The following PCDHA6 variants were observed in gnomAD, a reference collection of about 807,000 sequenced individuals.
PCDHA6 encodes protocadherin alpha-6.
A neutral mutation model predicts 60.3 loss-of-function variants in PCDHA6; 55 were observed. The ratio of observed to expected loss-of-function variants is 0.91; its 90% CI spans 0.73 to 1.14. The LOEUF is 1.14. Ranked by LOEUF, PCDHA6 falls within the 50% of genes most tolerant of loss-of-function variation. PCDHA6 has a pLI of 0.00. For synonymous variants in PCDHA6, 652 were observed against 557.9 expected (o/e 1.17, Z -2.38); for missense variants, 1,327 against 1,256.5 (o/e 1.06, Z -0.85).
chr5:140,876,467 G>T, intron 1 of PCDHA6: 1 of 1,614,020 alleles, frequency 6.2e-7, no homozygotes, highest in Non-Finnish European at 8.5e-7. Flanking sequence ...TCCATGGCAG[G>T]TCACAGCATG....
intron 3 of PCDHA6, among the ~76,000 whole-genome samples, chr5:140,989,698 A>G (rs145222021): frequency 6.6e-6 from 1 of 152,344 alleles, no homozygotes; most frequent in African/African-American, 2.4e-5. Flanking sequence ...TGAAAATTTT[A>G]TCTTCAGAGG....
In PCDHA6 at chr5:140,848,069, G is replaced by A. The variant is rs116084528; in HGVS notation, c.2394+17584G>A. 759 of 162,530 alleles carry A rather than the reference G, an allele frequency of 4.7e-3. 42 individuals are homozygous for A. The highest frequency in any genetic ancestry group is 0.017 in the African/African-American group (710 of 41,160). 10.1% of individuals were successfully genotyped at this position (162,530 alleles called of 1,614,324 possible). A position where few individuals can be genotyped will look rare whatever the true frequency, so the allele number is the denominator to read the frequency against. ...TTTTAATTGTTACTTCATTTCTGTC[G>A]TTATTTAAAACTTAAGTGGAGAGTT... On this transcript the variant is annotated intron_variant, in intron 1 of 3. Transcript: ENST00000529310.
rs1460408085 is a variant in PCDHA6, at chr5:140,900,316, C to T, written c.2394+69831C>T. On this transcript the variant is annotated intron_variant, in intron 1 of 3. Coordinates refer to ENST00000529310, the MANE Select transcript of PCDHA6 (RefSeq NM_018909.4). ...TTTTTTTAGACAGTCTCACTTTTGT[C>T]GCCCAGGCTGGAGTACCGTGGCGCA... Among the ~76,000 whole-genome samples the T allele has an allele frequency of 1.2e-4, 18 of 152,172 alleles. No individual in the cohort carries two copies. The East Asian group carries it at 2.7e-3, about 23-fold the overall frequency.
chr5:140,966,351 T>C (rs2095993357), intron 1 of PCDHA6: 1 of 397,668 alleles, frequency 2.5e-6, no homozygotes, highest in South Asian at 1.4e-4. Flanking sequence ...GTGAAGGAGA[T>C]GGGGCTGGAG....
At chr5:140,995,570 A>G (rs186345842) in intron 3 of PCDHA6, among the ~76,000 whole-genome samples, 1 of 152,210 alleles carries the variant, frequency 6.6e-6, no homozygotes, top group African/African-American at 2.4e-5. Flanking sequence ...ATATGTCAAG[A>G]TGAGCTATGA....
intron 1 of PCDHA6, chr5:140,849,181 T>C: frequency 1.9e-6 from 2 of 1,077,314 alleles, no homozygotes; most frequent in African/African-American, 1.9e-5. Context: ...GTTCAATTAC[T>C]CATCACGGTA....
rs1215327894 is a variant in PCDHA6 at position 140,868,871 on chromosome 5, A to T, written c.2394+38386A>T. On this transcript the variant is annotated intron_variant, in intron 1 of 3. Transcript: ENST00000529310. ...TTCTGTGGTGGTAAATGCAGTGCAC[A>T]GTACTCACAGTTTTAGGCGCAAGGT... 4.8e-6 allele frequency: 3 copies of T among 625,152 alleles called. No homozygotes were observed. In the Admixed American group the frequency reaches 9.8e-5, roughly 20 times the overall value. 38.7% of individuals were successfully genotyped at this position (625,152 alleles called of 1,614,324 possible).
Position 140,843,291 on chromosome 5 carries a change from C to T in PCDHA6, c.2394+12806C>T, listed in dbSNP as rs2150356588. The T allele has an allele frequency of 1.3e-6, 2 of 1,595,988 alleles. 1 individual carries two copies. The highest frequency in any genetic ancestry group is 1.7e-6 in the Non-Finnish European group (2 of 1,165,560). On this transcript the variant is annotated intron_variant, in intron 1 of 3. Coordinates refer to ENST00000529310, the MANE Select transcript of PCDHA6 (RefSeq NM_018909.4). Reference sequence around the variant, plus strand: ...GTCCTGGTGAAGGATCATGGTGAACCTGCGCTGACCGCCACGGCCACGGTT... The same window carrying T: ...GTCCTGGTGAAGGATCATGGTGAACTTGCGCTGACCGCCACGGCCACGGTT...
intron 1 of PCDHA6, chr5:140,969,442 T>C (rs1554231813): frequency 1.3e-6 from 2 of 1,543,712 alleles, no homozygotes; most frequent in Admixed American, 4.0e-5. Flanking sequence ...AGTTATCTGG[T>C]AAACTGAGTA....
At chr5:140,929,400 A>G (rs915139377) in intron 1 of PCDHA6, 5 of 1,509,110 alleles carry the variant, frequency 3.3e-6, no homozygotes, top group African/African-American at 2.8e-5. Flanking sequence ...TATTTCTTAG[A>G]CAAGCCTTTC....
At chr5:140,842,578 G>T in intron 1 of PCDHA6, 2 of 1,515,278 alleles carry the variant, frequency 1.3e-6, no homozygotes, top group Non-Finnish European at 1.8e-6. Context: ...AGAGAGTGTC[G>T]GCCTATGAGT....
At chr5:140,876,686 A>G (rs1554168790) in intron 1 of PCDHA6, 1 of 1,613,822 alleles carries the variant, frequency 6.2e-7, no homozygotes, top group Admixed American at 1.7e-5. Context: ...AAGAATTACT[A>G]CTCGTTGGTG....
intron 1 of PCDHA6, among the ~76,000 whole-genome samples, chr5:140,888,214 G>T (rs2061741689): frequency 6.6e-6 from 1 of 152,130 alleles, no homozygotes; most frequent in African/African-American, 2.4e-5. Context: ...TGGATTTTGT[G>T]TGTGTGTGCA....
chr5:140,936,547 A>G (rs1554211059), intron 1 of PCDHA6, among the ~76,000 whole-genome samples: 1 of 152,240 alleles, frequency 6.6e-6, no homozygotes, highest in East Asian at 1.9e-4. Context: ...AGTGCAATGT[A>G]GAAGTCAAGA....
chr5:140,875,159 C>T (rs60784460), intron 1 of PCDHA6: 4,491 of 336,216 alleles, frequency 0.013, 178 homozygotes, highest in African/African-American at 0.087. Flanking sequence ...TGAAAAATAA[C>T]CCAAAGTCGA....
At chr5:140,969,450 G>A (rs1554231822) in intron 1 of PCDHA6, 4 of 1,511,552 alleles carry the variant, frequency 2.6e-6, no homozygotes, top group Non-Finnish European at 3.6e-6. Flanking sequence ...GGTAAACTGA[G>A]TATATATAGT....
chr5:140,844,051 CAA>C (rs1431845216), intron 1 of PCDHA6, among the ~76,000 whole-genome samples: 4 of 149,544 alleles, frequency 2.7e-5, no homozygotes, highest in African/African-American at 9.8e-5. Flanking sequence ...AGTATTCCCC[CAA>C]AGCGTTTATT....
At chr5:140,985,884 C>T (rs1263620553) in intron 3 of PCDHA6, among the ~76,000 whole-genome samples, 4 of 151,722 alleles carry the variant, frequency 2.6e-5, no homozygotes, top group East Asian at 3.9e-4. Context: ...GGACTACAGG[C>T]GCCCGCCACC....
At chr5:140,867,614 T>C (rs1157399169) in intron 1 of PCDHA6, 3 of 152,134 alleles carry the variant, frequency 2.0e-5, no homozygotes, top group Non-Finnish European at 2.9e-5. Context: ...ATCAAAACTA[T>C]AGAACAAAAT....
Sources: gnomAD v4.1 joint callset for allele counts (sites outside exome capture counted in the v4.1 genomes callset) on GRCh38, gnomAD v4.1.1 for gene constraint, MANE v1.5 for transcripts, NCBI Gene and HGNC (gene_info 2026-07-23, HGNC 2026-07-21) for gene names.